Variants in EXOC4 observed in about 807,000 individuals in gnomAD.
The protein encoded by EXOC4 is exocyst complex component 4, also known as SEC8-like 1.
EXOC4 carries 71 observed loss-of-function variants against 107.2 expected under a neutral mutation model. The observed-to-expected ratio is 0.66, with a 90% confidence interval of 0.55 to 0.81. EXOC4 has a LOEUF of 0.81. EXOC4 is among the 30% of genes least tolerant of loss of function. EXOC4 has a pLI of 0.00. For missense variants in EXOC4, 1,108 were observed against 1,189.6 expected (o/e 0.93, Z 1.01); for synonymous variants, 456 against 441.2 (o/e 1.03, Z -0.42).
intron 12 of EXOC4, among the ~76,000 whole-genome samples, chr7:133,896,338 G>C (rs1047231248): frequency 6.6e-6 from 1 of 152,030 alleles, no homozygotes; most frequent in Non-Finnish European, 1.5e-5. Flanking sequence ...CTAATAATGG[G>C]AACAAATTAT....
At chr7:133,327,772 T>C (rs1239700787) in intron 5 of EXOC4, among the ~76,000 whole-genome samples, 2 of 152,178 alleles carry the variant, frequency 1.3e-5, no homozygotes, top group African/African-American at 4.8e-5. Flanking sequence ...TAATCCTGAG[T>C]TCTAATTTGA....
chr7:133,445,170 A>C (rs570743121), intron 7 of EXOC4, among the ~76,000 whole-genome samples: 18 of 152,202 alleles, frequency 1.2e-4, no homozygotes, highest in African/African-American at 4.1e-4. Flanking sequence ...CAAATTGAAA[A>C]TTTTCTGAAC....
At chr7:133,805,653 G>T (rs1563005639) in intron 10 of EXOC4, among the ~76,000 whole-genome samples, 2 of 152,152 alleles carry the variant, frequency 1.3e-5, no homozygotes, top group Non-Finnish European at 2.9e-5. Flanking sequence ...GTGGCCACAG[G>T]ACAAGTGACA....
At chr7:133,878,119 T>G (rs1467780763) in intron 11 of EXOC4, among the ~76,000 whole-genome samples, 2 of 152,242 alleles carry the variant, frequency 1.3e-5, no homozygotes, top group Non-Finnish European at 2.9e-5. Context: ...AGCATTTTCT[T>G]CATTATCATT....
At chr7:133,921,997 C>T (rs1187054985) in intron 13 of EXOC4, among the ~76,000 whole-genome samples, 1 of 152,028 alleles carries the variant, frequency 6.6e-6, no homozygotes, top group African/African-American at 2.4e-5. Flanking sequence ...CATATCCAGT[C>T]TATTGCTGAG....
chr7:133,264,585 T>C (rs1479621121), intron 1 of EXOC4, among the ~76,000 whole-genome samples: 4 of 152,162 alleles, frequency 2.6e-5, no homozygotes, highest in Non-Finnish European at 5.9e-5. Context: ...GATTTGGTTA[T>C]GCTTTGAGGG....
chr7:133,535,247 G>A (rs2150925267), intron 9 of EXOC4, among the ~76,000 whole-genome samples: 1 of 152,214 alleles, frequency 6.6e-6, no homozygotes, highest in African/African-American at 2.4e-5. Context: ...GAAGTTCTGA[G>A]CAGGTAAGTG....
chr7:133,356,390 G>A lies in EXOC4; in HGVS notation c.824G>A (p.Ser275Asn), dbSNP rs768161600. ...TTAGAATTGGATCCAGAGGAAAACAGCACCCTGTTTATGGGTATCCTCATT... is the reference window on the plus strand; with the variant it reads ...TTAGAATTGGATCCAGAGGAAAACAACACCCTGTTTATGGGTATCCTCATT... Reference protein sequence around the residue: ...EDLELDPEENSTLFMGILIKG... With the variant: ...EDLELDPEENNTLFMGILIKG... The change falls in exon 6 of 18, where the codon AGC (serine) becomes AAC (asparagine). Residue 275 changes from serine (S) to asparagine (N), a missense_variant. Transcript: ENST00000253861. 6.2e-6 allele frequency: 10 copies of A among 1,614,058 alleles called. No homozygotes were observed. The highest frequency in any genetic ancestry group is 8.5e-6 in the Non-Finnish European group (10 of 1,179,950).
intron 7 of EXOC4, among the ~76,000 whole-genome samples, chr7:133,414,112 G>T (rs916851730): frequency 1.3e-5 from 2 of 152,130 alleles, no homozygotes; most frequent in Admixed American, 1.3e-4. Context: ...GGATTTGAAA[G>T]AAGTCATACA....
chr7:133,712,439 C>CAAAAAA (rs58629398), intron 10 of EXOC4, among the ~76,000 whole-genome samples: 2 of 30,226 alleles, frequency 6.6e-5, no homozygotes, highest in African/African-American at 2.8e-4. Flanking sequence ...AACTCTGTCT[C>CAAAAAA]AAAAAAAAAA....
chr7:133,904,067 G>T (rs938090855), intron 12 of EXOC4, among the ~76,000 whole-genome samples: 1 of 152,128 alleles, frequency 6.6e-6, no homozygotes, highest in Non-Finnish European at 1.5e-5. Flanking sequence ...GGTAAATAGA[G>T]GCAAAACTTT....
intron 11 of EXOC4, among the ~76,000 whole-genome samples, chr7:133,875,349 A>G (rs1177832359): frequency 1.3e-5 from 2 of 152,240 alleles, no homozygotes; most frequent in Admixed American, 6.5e-5. Flanking sequence ...AAATAATTTC[A>G]GAAAGATAAG....
chr7:133,894,817 C>T lies in EXOC4; in HGVS notation c.1735-782C>T, dbSNP rs1799263811. On this transcript the variant is annotated intron_variant, in intron 11 of 17. Coordinates refer to ENST00000253861, the MANE Select transcript of EXOC4 (RefSeq NM_021807.4). Reference sequence around the variant, plus strand: ...ATCTCCAGCTGCGTGCTGGGAGAACCACTGCTCTCTTCAAAGCTGTCAGAC... The same window carrying T: ...ATCTCCAGCTGCGTGCTGGGAGAACTACTGCTCTCTTCAAAGCTGTCAGAC... Among the ~76,000 whole-genome samples, 5 of 84,102 alleles carry T rather than the reference C, an allele frequency of 5.9e-5. 2 individuals carry two copies. Among genetic ancestry groups the T allele is most frequent in the Non-Finnish European group, 1.0e-4 (5 of 47,632 alleles). 55.2% of individuals were successfully genotyped at this position (84,102 alleles called of 152,430 possible). A position where few individuals can be genotyped will look rare whatever the true frequency, so the allele number is the denominator to read the frequency against.
chr7:133,675,244 G>A (rs968578457), intron 10 of EXOC4, among the ~76,000 whole-genome samples: 14 of 152,032 alleles, frequency 9.2e-5, no homozygotes, highest in African/African-American at 3.1e-4. Context: ...GACCCCAGCT[G>A]TCAGCTATCC....
chr7:133,253,509 C>T (rs1370570616), intron 1 of EXOC4: 2 of 1,065,932 alleles, frequency 1.9e-6, no homozygotes, highest in Middle Eastern at 4.2e-4. Flanking sequence ...TTTATTGATT[C>T]CTAAAATGCT....
chr7:133,436,284 C>T (rs1243250373), intron 7 of EXOC4, among the ~76,000 whole-genome samples: 1 of 152,000 alleles, frequency 6.6e-6, no homozygotes, highest in Non-Finnish European at 1.5e-5. Context: ...TGAGCTCTGC[C>T]CTCTGACTGA....
chr7:133,635,951 A>G lies in EXOC4; in HGVS notation c.1514+5810A>G, dbSNP rs551689002. ...TTAAAATTCACTGTCAGAACAGACTATTAATTAAAGTGGTATTTAATCGTC... is the reference window on the plus strand; with the variant it reads ...TTAAAATTCACTGTCAGAACAGACTGTTAATTAAAGTGGTATTTAATCGTC... On this transcript the variant is annotated intron_variant, in intron 10 of 17. Coordinates refer to ENST00000253861, the MANE Select transcript of EXOC4 (RefSeq NM_021807.4). 1.9e-4 allele frequency among the ~76,000 whole-genome samples: 29 copies of G among 152,314 alleles called. No homozygotes were observed. In the South Asian group the frequency reaches 6.0e-3, roughly 32 times the overall value.
intron 1 of EXOC4, among the ~76,000 whole-genome samples, chr7:133,265,577 G>T (rs1352296201): frequency 2.6e-5 from 4 of 152,136 alleles, no homozygotes; most frequent in Non-Finnish European, 5.9e-5. Flanking sequence ...GATTCTTATT[G>T]TAGATTGTGC....
At chr7:133,914,592 C>G (rs1423914005) in intron 12 of EXOC4, among the ~76,000 whole-genome samples, 1 of 151,640 alleles carries the variant, frequency 6.6e-6, no homozygotes, top group African/African-American at 2.4e-5. Context: ...TCAATTTGTA[C>G]TACCTGCGTA....
Sources: gnomAD v4.1 joint callset for allele counts (sites outside exome capture counted in the v4.1 genomes callset) on GRCh38, gnomAD v4.1.1 for gene constraint, MANE v1.5 for transcripts, NCBI Gene and HGNC (gene_info 2026-07-23, HGNC 2026-07-21) for gene names.